Variants in FHOD3 observed in about 807,000 individuals in gnomAD.
The protein encoded by FHOD3 is formin homology 2 domain containing 3.
In FHOD3, 90 loss-of-function variants were observed where a neutral mutation model predicts 173.0. The ratio of observed to expected loss-of-function variants is 0.52; its 90% CI spans 0.44 to 0.62. The LOEUF (loss-of-function observed/expected upper bound fraction) is 0.62, where lower values mean the gene tolerates loss of function less well. Ranked by LOEUF, FHOD3 falls within the 20% of genes least tolerant of loss-of-function variation. FHOD3 has a pLI of 0.00. For missense variants in FHOD3, 1,945 were observed against 2,034.7 expected (o/e 0.96, Z 0.85); for synonymous variants, 828 against 823.0 (o/e 1.01, Z -0.10).
rs1027225965 is a variant in FHOD3, at chr18:36,779,524, G to C, written c.4863G>C (p.Gln1621His). Residue 1621 changes from glutamine (Q) to histidine (H), a missense_variant, in exon 29 of 29, where the codon CAG (glutamine) becomes CAC (histidine). By Grantham distance (24) the Gln-to-His change is conservative. Coordinates refer to ENST00000590592, the MANE Select transcript of FHOD3 (RefSeq NM_001281740.3). Reference sequence around the variant, plus strand: ...GCTTGGTTGGCACCTCGGAGTTGCAGCTGTGACACTCATAGGTTACTCCCA... The same window carrying C: ...GCTTGGTTGGCACCTCGGAGTTGCACCTGTGACACTCATAGGTTACTCCCA... Reference protein sequence around the residue: ...ALGLVGTSELQL With the variant: ...ALGLVGTSELHL 1 of 1,614,004 alleles carries C rather than the reference G, an allele frequency of 6.2e-7. No individual in the cohort carries two copies. Among genetic ancestry groups the C allele is most frequent in the African/African-American group, 1.3e-5 (1 of 74,932 alleles).
chr18:36,760,083 CT>C (rs2042805820), intron 26 of FHOD3, among the ~76,000 whole-genome samples: 1 of 152,248 alleles, frequency 6.6e-6, no homozygotes, highest in Middle Eastern at 3.4e-3. Flanking sequence ...GGGACTAGGT[CT>C]AGAAGAATTC....
chr18:36,747,441 C>A (rs1304835965), intron 24 of FHOD3, among the ~76,000 whole-genome samples: 2 of 152,220 alleles, frequency 1.3e-5, no homozygotes, highest in Non-Finnish European at 2.9e-5. Context: ...TCTGGGTCTG[C>A]TGGAAGAATT....
intron 14 of FHOD3, among the ~76,000 whole-genome samples, chr18:36,664,814 G>GAGAT (rs766704398): frequency 2.0e-5 from 3 of 146,740 alleles, no homozygotes; most frequent in Admixed American, 6.8e-5. Context: ...GAGAGAGAGA[G>GAGAT]ATTGAGATTG....
chr18:36,729,019 C>A (rs981285220), intron 19 of FHOD3, among the ~76,000 whole-genome samples: 1 of 152,174 alleles, frequency 6.6e-6, no homozygotes, highest in Non-Finnish European at 1.5e-5. Context: ...GGTCTTCTGT[C>A]CCCAGACTAG....
intron 28 of FHOD3, among the ~76,000 whole-genome samples, chr18:36,771,714 A>G (rs1021327535): frequency 6.6e-6 from 1 of 152,154 alleles, no homozygotes; most frequent in African/African-American, 2.4e-5. Context: ...GGTGTGGGCA[A>G]CCTCATCGCA....
intron 3 of FHOD3, among the ~76,000 whole-genome samples, chr18:36,467,522 C>A (rs930925048): frequency 1.3e-5 from 2 of 152,102 alleles, no homozygotes; most frequent in East Asian, 3.9e-4. Flanking sequence ...CCTGCGCCAG[C>A]GTCACTCCAG....
At chr18:36,547,322 C>G (rs1330879321) in intron 5 of FHOD3, among the ~76,000 whole-genome samples, 1 of 152,196 alleles carries the variant, frequency 6.6e-6, no homozygotes, top group Admixed American at 6.5e-5. Context: ...ACAGCCGAGA[C>G]TCACAGGAGA....
intron 3 of FHOD3, among the ~76,000 whole-genome samples, chr18:36,385,818 A>G (rs1384683368): frequency 1.3e-5 from 2 of 152,242 alleles, no homozygotes; most frequent in Admixed American, 6.5e-5. Context: ...TTTTGTGACC[A>G]TGAAGGCAAC....
At chr18:36,304,804 A>G (rs1021120284) in intron 1 of FHOD3, among the ~76,000 whole-genome samples, 1 of 152,218 alleles carries the variant, frequency 6.6e-6, no homozygotes, top group Non-Finnish European at 1.5e-5. Flanking sequence ...TTTTATTACT[A>G]AACTGTGAAG....
At chr18:36,516,284 A>G (rs2055970888) in intron 5 of FHOD3, among the ~76,000 whole-genome samples, 2 of 152,160 alleles carry the variant, frequency 1.3e-5, no homozygotes, top group African/African-American at 2.4e-5. Context: ...AAAGTTTTGC[A>G]GTTATTTTAT....
At chr18:36,642,550 T>C (rs1161456495) in intron 10 of FHOD3, among the ~76,000 whole-genome samples, 1 of 116,978 alleles carries the variant, frequency 8.5e-6, no homozygotes, top group Non-Finnish European at 1.6e-5. Flanking sequence ...GCCGCTGCAC[T>C]CCAGCCTGGG....
chr18:36,767,781 C>T (rs554764014), intron 27 of FHOD3, among the ~76,000 whole-genome samples: 32 of 152,132 alleles, frequency 2.1e-4, no homozygotes, highest in Non-Finnish European at 3.4e-4. Context: ...ATTATGACTA[C>T]TTTATAGCAC....
At chr18:36,535,297 G>A (rs909580764) in intron 5 of FHOD3, among the ~76,000 whole-genome samples, 2 of 152,180 alleles carry the variant, frequency 1.3e-5, no homozygotes, top group African/African-American at 2.4e-5. Flanking sequence ...CTTAGACTGA[G>A]GTTCTTCACC....
chr18:36,312,359 T>A (rs2144715606), intron 1 of FHOD3, among the ~76,000 whole-genome samples: 1 of 152,212 alleles, frequency 6.6e-6, no homozygotes, highest in South Asian at 2.1e-4. Flanking sequence ...CTGGATGGCT[T>A]TGAGGGCTTT....
intron 18 of FHOD3, 47 bp downstream of exon 18, chr18:36,709,438 G>GCACA: frequency 6.4e-7 from 1 of 1,571,158 alleles, no homozygotes; most frequent in Non-Finnish European, 8.6e-7. Context: ...GGGAGGCCTG[G>GCACA]GGTGCAGGGG....
intron 3 of FHOD3, among the ~76,000 whole-genome samples, chr18:36,460,440 C>T (rs886561139): frequency 6.6e-6 from 1 of 152,206 alleles, no homozygotes; most frequent in East Asian, 1.9e-4. Context: ...TGGTAAGCCA[C>T]ACATCACCAT....
intron 27 of FHOD3, among the ~76,000 whole-genome samples, chr18:36,762,819 T>A (rs1263318872): frequency 6.8e-6 from 1 of 147,972 alleles, no homozygotes; most frequent in African/African-American, 2.5e-5. Flanking sequence ...ATATGTATTA[T>A]ATATTTTATA....
intron 10 of FHOD3, among the ~76,000 whole-genome samples, chr18:36,630,095 TAGAG>T (rs983912542): frequency 8.5e-5 from 13 of 152,184 alleles, no homozygotes; most frequent in African/African-American, 2.9e-4. Context: ...GATGCTGAGA[TAGAG>T]AGTGTTTTGG....
intron 15 of FHOD3, among the ~76,000 whole-genome samples, chr18:36,683,192 A>G (rs1343242185): frequency 6.6e-6 from 1 of 152,208 alleles, no homozygotes; most frequent in Non-Finnish European, 1.5e-5. Flanking sequence ...ACTTTTAGAA[A>G]GGCCAATTTT....
Sources: gnomAD v4.1 joint callset for allele counts (sites outside exome capture counted in the v4.1 genomes callset) on GRCh38, gnomAD v4.1.1 for gene constraint, MANE v1.5 for transcripts, NCBI Gene and HGNC (gene_info 2026-07-23, HGNC 2026-07-21) for gene names.